C1orf21: variants seen among roughly 807,000 people sequenced by gnomAD.
C1orf21 encodes uncharacterized protein C1orf21.
Under a neutral mutation model 18.7 loss-of-function variants are expected in C1orf21, and 3 were observed. The ratio of observed to expected loss-of-function variants is 0.16; its 90% CI spans 0.07 to 0.42. The LOEUF (loss-of-function observed/expected upper bound fraction) is 0.42, where lower values mean the gene tolerates loss of function less well. C1orf21 is among the 10% of genes least tolerant of loss of function. C1orf21 has a pLI of 0.99. For missense variants in C1orf21, 104 were observed against 143.6 expected (o/e 0.72, Z 1.41); for synonymous variants, 41 against 46.4 (o/e 0.88, Z 0.47).
At chr1:184,396,039 C>T (rs1268554770) in intron 1 of C1orf21, among the ~76,000 whole-genome samples, 1 of 152,090 alleles carries the variant, frequency 6.6e-6, no homozygotes, top group African/African-American at 2.4e-5. Context: ...AAGTAGGCCA[C>T]TTCAAACAGA....
At chr1:184,388,539 AC>A (rs1266496035) in intron 1 of C1orf21, among the ~76,000 whole-genome samples, 1 of 152,150 alleles carries the variant, frequency 6.6e-6, no homozygotes, top group African/African-American at 2.4e-5. Context: ...GGCACCCAGA[AC>A]CTCAGTAAAG....
chr1:184,398,467 C>T (rs1296362229), intron 1 of C1orf21, among the ~76,000 whole-genome samples: 1 of 152,190 alleles, frequency 6.6e-6, no homozygotes, highest in African/African-American at 2.4e-5. Context: ...TCGTACACTC[C>T]TTTCTTCTCA....
intron 5 of C1orf21, among the ~76,000 whole-genome samples, chr1:184,612,455 G>A (rs1336739458): frequency 6.6e-6 from 1 of 152,226 alleles, no homozygotes; most frequent in South Asian, 2.1e-4. Context: ...GCCGGGTGTG[G>A]TGACTCACAC....
intron 3 of C1orf21, among the ~76,000 whole-genome samples, chr1:184,560,883 G>T (rs899769538): frequency 6.6e-6 from 1 of 152,166 alleles, no homozygotes; most frequent in Non-Finnish European, 1.5e-5. Flanking sequence ...CTCTGAAATT[G>T]CCTGTTTTAA....
intron 1 of C1orf21, among the ~76,000 whole-genome samples, chr1:184,439,391 G>A (rs1656910445): frequency 6.6e-6 from 1 of 150,746 alleles, no homozygotes; most frequent in East Asian, 1.9e-4. Flanking sequence ...TGTTCAGTGA[G>A]GATAATGAAA....
At chr1:184,539,193 G>A (rs1362266251) in intron 3 of C1orf21, among the ~76,000 whole-genome samples, 4 of 152,228 alleles carry the variant, frequency 2.6e-5, no homozygotes, top group Non-Finnish European at 4.4e-5. Flanking sequence ...TTTGTTGAGT[G>A]TTTATCATGA....
At chr1:184,561,277 T>C (rs1658959769) in intron 3 of C1orf21, among the ~76,000 whole-genome samples, 3 of 152,104 alleles carry the variant, frequency 2.0e-5, no homozygotes, top group African/African-American at 4.8e-5. Context: ...AGCTCCCTCC[T>C]CCTCCTAATT....
intron 3 of C1orf21, among the ~76,000 whole-genome samples, chr1:184,510,912 T>C (rs1658133691): frequency 1.3e-5 from 2 of 152,166 alleles, no homozygotes; most frequent in Admixed American, 1.3e-4. Flanking sequence ...AGGTAGTAAG[T>C]CTGAACCAAG....
intron 1 of C1orf21, among the ~76,000 whole-genome samples, chr1:184,424,963 A>G (rs544208952): frequency 3.3e-5 from 5 of 152,358 alleles, no homozygotes; most frequent in African/African-American, 1.2e-4. Context: ...GGGCAGAGTC[A>G]GATGTTCTCC....
At chr1:184,398,655 A>C (rs1036505272) in intron 1 of C1orf21, among the ~76,000 whole-genome samples, 1 of 152,246 alleles carries the variant, frequency 6.6e-6, no homozygotes, top group Admixed American at 6.5e-5. Flanking sequence ...CTGCACACCT[A>C]GGCTATAGGA....
chr1:184,419,904 G>A (rs1656519201), intron 1 of C1orf21, among the ~76,000 whole-genome samples: 1 of 152,170 alleles, frequency 6.6e-6, no homozygotes, highest in Admixed American at 6.5e-5. Flanking sequence ...AGGCCACTGA[G>A]GGCTTTGGTT....
intron 1 of C1orf21, among the ~76,000 whole-genome samples, chr1:184,394,459 T>C (rs544163180): frequency 6.6e-6 from 1 of 152,312 alleles, no homozygotes; most frequent in South Asian, 2.1e-4. Flanking sequence ...TCATCATAGA[T>C]ACAAGTGCTA....
intron 3 of C1orf21, among the ~76,000 whole-genome samples, chr1:184,522,125 A>G (rs1658313826): frequency 6.6e-6 from 1 of 152,216 alleles, no homozygotes; most frequent in Non-Finnish European, 1.5e-5. Flanking sequence ...GCAATAGATT[A>G]GAGTTAGAGA....
chr1:184,399,208 T>A (rs985714783), intron 1 of C1orf21, among the ~76,000 whole-genome samples: 4 of 152,156 alleles, frequency 2.6e-5, no homozygotes, highest in Non-Finnish European at 5.9e-5. Flanking sequence ...GGATTCCCTG[T>A]ATCCTGACTG....
At chr1:184,503,941 AAC>A (rs1658014357) in intron 2 of C1orf21, among the ~76,000 whole-genome samples, 1 of 152,230 alleles carries the variant, frequency 6.6e-6, no homozygotes, top group African/African-American at 2.4e-5. Context: ...AAACGGCAGA[AAC>A]AGACTGTACC....
intron 5 of C1orf21, among the ~76,000 whole-genome samples, chr1:184,616,769 G>T (rs989765310): frequency 6.6e-6 from 1 of 151,770 alleles, no homozygotes; most frequent in Non-Finnish European, 1.5e-5. Flanking sequence ...TTCCTTCCAC[G>T]TTCTTCCTCA....
At chr1:184,435,715 T>C (rs1321149204) in intron 1 of C1orf21, among the ~76,000 whole-genome samples, 2 of 151,998 alleles carry the variant, frequency 1.3e-5, no homozygotes, top group Middle Eastern at 3.2e-3. Flanking sequence ...AGGAGTCCAG[T>C]AGAAGAGAAG....
intron 2 of C1orf21, among the ~76,000 whole-genome samples, chr1:184,483,098 C>T (rs2101992975): frequency 6.6e-6 from 1 of 152,310 alleles, no homozygotes; most frequent in South Asian, 2.1e-4. Flanking sequence ...TTCTGCCTGA[C>T]ACACTGTGGC....
rs369682035 is a variant in C1orf21 at position 184,462,391 on chromosome 1, G to A, written c.-124-14995G>A. Among the ~76,000 whole-genome samples, 165 of 152,222 alleles carry A rather than the reference G, an allele frequency of 1.1e-3. 2 individuals carry two copies. Among genetic ancestry groups the A allele is most frequent in the African/African-American group, 3.9e-3 (163 of 41,530 alleles). ...TCAGGTTCTTGAAACTTGGCAAAAA[G>A]CCTCCAGCGTTTTGTGATTTTTTTT... On this transcript the variant is annotated intron_variant, in intron 1 of 5. Coordinates refer to ENST00000235307, the MANE Select transcript of C1orf21 (RefSeq NM_030806.4).
Sources: allele counts gnomAD v4.1 joint callset (sites outside exome capture counted in the v4.1 genomes callset), GRCh38; gene constraint gnomAD v4.1.1; transcripts MANE v1.5; gene names NCBI Gene and HGNC (gene_info 2026-07-23, HGNC 2026-07-21).